The following MPPED2 variants were observed in gnomAD, a reference collection of about 807,000 sequenced individuals.
MPPED2 encodes metallophosphoesterase domain containing 2, also known as metallophosphoesterase MPPED2.
MPPED2 carries 5 observed loss-of-function variants against 33.0 expected under a neutral mutation model. That is an observed-to-expected ratio of 0.15 (90% CI 0.08 to 0.32). The LOEUF (loss-of-function observed/expected upper bound fraction) is 0.32, where lower values mean the gene tolerates loss of function less well. Ranked by LOEUF, MPPED2 falls within the 10% of genes least tolerant of loss-of-function variation. The pLI is 1.00. For missense variants in MPPED2, 275 were observed against 372.1 expected, an observed-to-expected ratio of 0.74 and a Z score of 2.15; for synonymous variants, 136 against 141.9, an observed-to-expected ratio of 0.96 and a Z score of 0.29.
At chr11:30,467,736 T>G (rs566719559) in intron 4 of MPPED2, among the ~76,000 whole-genome samples, 2 of 152,368 alleles carry the variant, frequency 1.3e-5, no homozygotes, top group Admixed American at 1.3e-4. Context: ...TTCTTGCATC[T>G]GCATATCATA....
exon 7 of MPPED2, chr11:30,386,489 C>T: frequency 2.8e-6 from 1 of 353,874 alleles, no homozygotes; most frequent in Non-Finnish European, 5.0e-6. Context: ...TTGGCAGCTT[C>T]CACCAGGTGT....
At chr11:30,570,220 C>G (rs974871224) in intron 2 of MPPED2, among the ~76,000 whole-genome samples, 3 of 151,976 alleles carry the variant, frequency 2.0e-5, no homozygotes, top group Admixed American at 6.6e-5. Flanking sequence ...GGCCCAATTC[C>G]CAGGTCACAG....
chr11:30,400,140 G>A (rs1947890232), intron 6 of MPPED2, among the ~76,000 whole-genome samples: 2 of 152,116 alleles, frequency 1.3e-5, no homozygotes, highest in Admixed American at 6.5e-5. Context: ...GAGTAGAGTG[G>A]CACAATCAAT....
intron 4 of MPPED2, among the ~76,000 whole-genome samples, chr11:30,472,315 G>A (rs1950984738): frequency 6.6e-6 from 1 of 152,012 alleles, no homozygotes; most frequent in East Asian, 1.9e-4. Flanking sequence ...GAGCCGTGGT[G>A]GTGCCATAGC....
At position 30,580,178 on chromosome 11, in the gene MPPED2, A is replaced by C. The variant is rs1017759350; in HGVS notation, c.128+68T>G. ...TCTCCCTAGCAGAAGTTAATAGTGA[A>C]TGCTTTTCTTTTTTTTCTTTTTATT... On this transcript the variant is annotated intron_variant, in intron 2 of 6. Transcript: ENST00000358117. 14 of 1,490,660 alleles carry C rather than the reference A, an allele frequency of 9.4e-6. No individual in the cohort carries two copies. The Admixed American group carries it at 1.7e-4, about 18-fold the overall frequency. 92.3% of individuals were successfully genotyped at this position (1,490,660 alleles called of 1,614,324 possible). A position where few individuals can be genotyped will look rare whatever the true frequency, so the allele number is the denominator to read the frequency against.
intron 2 of MPPED2, among the ~76,000 whole-genome samples, chr11:30,551,995 A>C (rs1446321874): frequency 6.6e-6 from 1 of 152,156 alleles, no homozygotes; most frequent in African/African-American, 2.4e-5. Context: ...AGGTTGAAAA[A>C]ACCTGAACAC....
At chr11:30,426,983 T>G (rs932094878) in intron 4 of MPPED2, among the ~76,000 whole-genome samples, 5 of 152,128 alleles carry the variant, frequency 3.3e-5, no homozygotes, top group African/African-American at 1.2e-4. Flanking sequence ...GTGTGTCACA[T>G]GCCTGGCTGG....
At chr11:30,577,752 GA>G (rs1156615256) in intron 2 of MPPED2, among the ~76,000 whole-genome samples, 1 of 152,168 alleles carries the variant, frequency 6.6e-6, no homozygotes, top group Non-Finnish European at 1.5e-5. Context: ...TAAAGCCAGG[GA>G]AAAGGTAAGC....
intron 1 of MPPED2, among the ~76,000 whole-genome samples, chr11:30,585,584 C>A (rs1207850244): frequency 6.6e-6 from 1 of 152,096 alleles, no homozygotes; most frequent in Non-Finnish European, 1.5e-5. Context: ...CCCTCGTCCC[C>A]ACCCCCATCC....
In MPPED2 at chr11:30,538,321, A is replaced by G. The variant is rs1384148001; in HGVS notation, c.129-2146T>C. On this transcript the variant is annotated intron_variant, in intron 2 of 6. Transcript: ENST00000358117. ...CTGCATCAAAATCCTTTGGGAGGTC[A>G]TCTCAGCTTATCAGACAGACATCAT... Among the ~76,000 whole-genome samples, 7 of 152,340 alleles carry G rather than the reference A, an allele frequency of 4.6e-5. No homozygotes were observed. In the South Asian group the frequency reaches 8.3e-4, roughly 18 times the overall value.
At chr11:30,389,189 G>A (rs541421332) in intron 6 of MPPED2, among the ~76,000 whole-genome samples, 4 of 152,238 alleles carry the variant, frequency 2.6e-5, no homozygotes, top group Non-Finnish European at 5.9e-5. Context: ...GAGTTTAGTG[G>A]CCTCTAGCGA....
chr11:30,498,428 T>C (rs1056963342), intron 3 of MPPED2, among the ~76,000 whole-genome samples: 1 of 150,962 alleles, frequency 6.6e-6, no homozygotes, highest in African/African-American at 2.4e-5. Context: ...CTACTAAAAA[T>C]ACAAAAATTA....
intron 4 of MPPED2, among the ~76,000 whole-genome samples, chr11:30,477,919 T>C (rs1951299170): frequency 6.6e-6 from 1 of 152,064 alleles, no homozygotes. Context: ...AAGAATTTGG[T>C]GTTTCTCTTA....
intron 2 of MPPED2, among the ~76,000 whole-genome samples, chr11:30,566,664 T>C (rs375112005): frequency 2.9e-4 from 44 of 152,328 alleles, no homozygotes; most frequent in East Asian, 9.6e-4. Context: ...CATTCATTCA[T>C]TCAACAGGTG....
chr11:30,530,262 A>T (rs1440904300), intron 3 of MPPED2, among the ~76,000 whole-genome samples: 2 of 152,192 alleles, frequency 1.3e-5, no homozygotes, highest in South Asian at 2.1e-4. Context: ...GGCACTATAC[A>T]TACATAATTT....
chr11:30,398,537 A>G (rs1947866111), intron 6 of MPPED2, among the ~76,000 whole-genome samples: 1 of 152,188 alleles, frequency 6.6e-6, no homozygotes, highest in East Asian at 1.9e-4. Context: ...AGGTCCATGA[A>G]CAACTACTGA....
At chr11:30,579,986 A>G (rs1469561935) in intron 2 of MPPED2, among the ~76,000 whole-genome samples, 2 of 152,090 alleles carry the variant, frequency 1.3e-5, no homozygotes, top group East Asian at 1.9e-4. Context: ...CTTATCTATA[A>G]ATAGGGGCAA....
intron 6 of MPPED2, among the ~76,000 whole-genome samples, chr11:30,399,277 T>G (rs1947878316): frequency 6.6e-6 from 1 of 152,204 alleles, no homozygotes. Flanking sequence ...TTTTTCATGC[T>G]GCATCCAATT....
chr11:30,411,105 T>C lies in MPPED2; in HGVS notation c.*363A>G, dbSNP rs1183572848. 1.0e-6 allele frequency: 1 copy of C among 991,018 alleles called. No homozygotes were observed. Among genetic ancestry groups the C allele is most frequent in the Non-Finnish European group, 1.2e-6 (1 of 833,356 alleles). The allele number at this position is 991,018 out of a possible 1,614,324, so 61.4% of individuals were successfully genotyped here. A position where few individuals can be genotyped will look rare whatever the true frequency, so the allele number is the denominator to read the frequency against. Reference sequence around the variant, plus strand: ...ACAGTTGTGCAAATCTGTGTTGGTTTTTAAAACACTGCCTGTTTCTTATTT... The same window carrying C: ...ACAGTTGTGCAAATCTGTGTTGGTTCTTAAAACACTGCCTGTTTCTTATTT... On this transcript the variant is annotated 3_prime_UTR_variant, in exon 7 of 7. Coordinates refer to ENST00000358117, the MANE Select transcript of MPPED2 (RefSeq NM_001584.3).
Sources: allele counts gnomAD v4.1 joint callset (sites outside exome capture counted in the v4.1 genomes callset), GRCh38; gene constraint gnomAD v4.1.1; transcripts MANE v1.5; gene names NCBI Gene and HGNC (gene_info 2026-07-23, HGNC 2026-07-21).